The following ATP9B variants were observed in gnomAD, a reference collection of about 807,000 sequenced individuals.
ATP9B encodes probable phospholipid-transporting ATPase IIB.
ATP9B carries 110 observed loss-of-function variants against 146.1 expected under a neutral mutation model. The ratio of observed to expected loss-of-function variants is 0.75; its 90% CI spans 0.65 to 0.88. ATP9B has a LOEUF of 0.88. Among genes scored for constraint, ATP9B ranks in the 40% least tolerant of loss-of-function variants. The pLI is 0.00. For synonymous variants in ATP9B, 604 were observed against 569.7 expected, an observed-to-expected ratio of 1.06 and a Z score of -0.86; for missense variants, 1,499 against 1,496.4, an observed-to-expected ratio of 1.00 and a Z score of -0.03.
At chr18:79,202,707 C>A (rs550225788) in intron 9 of ATP9B, among the ~76,000 whole-genome samples, 37 of 152,276 alleles carry the variant, frequency 2.4e-4, no homozygotes, top group Admixed American at 5.9e-4. Flanking sequence ...GAATAATTTT[C>A]TCCATGTTAG....
Position 79,126,268 on chromosome 18 carries a change from G to A in ATP9B, c.560G>A (p.Gly187Glu). Reference sequence around the variant, plus strand: ...AAAATACCTTATTTTGTTTTATAGGGATTTGTCTTGGCTGTTACTATGACA... The same window carrying A: ...AAAATACCTTATTTTGTTTTATAGGAATTTGTCTTGGCTGTTACTATGACA... ...GYLYTYWAPLGFVLAVTMTRE... is the reference protein window; with the variant it reads ...GYLYTYWAPLEFVLAVTMTRE... The change falls in exon 5 of 30, where the codon GGA (glycine) becomes GAA (glutamate). Residue 187 changes from glycine to glutamate, a missense_variant and splice_region_variant. By Grantham distance (98) the Gly-to-Glu change is moderately conservative. Coordinates refer to ENST00000426216, the MANE Select transcript of ATP9B (RefSeq NM_198531.5). 1 of 1,605,526 alleles carries A rather than the reference G, an allele frequency of 6.2e-7. No individual in the cohort carries two copies. The highest frequency in any genetic ancestry group is 8.5e-7 in the Non-Finnish European group (1 of 1,175,008).
rs79538284 is a variant in ATP9B at position 79,377,293 on chromosome 18, G to A, written c.3354G>A (p.Ala1118=). 1.0e-4 allele frequency: 162 copies of A among 1,612,434 alleles called. No individual in the cohort carries two copies. The East Asian group carries it at 1.2e-3, about 12-fold the overall frequency. Residue 1118 remains alanine (A), a synonymous_variant, in exon 30 of 30, where the codon GCG becomes GCA. Transcript: ENST00000426216. ...TTVTFLWKVS[A]ITVVSCLPLY... is the part of the protein sequence containing the mutation. ...TGACCTTCCTGTGGAAAGTGTCGGC[G>A]ATCACCGTGGTCAGCTGCCTCCCGC... is the stretch of plus-strand genomic sequence containing the variant.
At chr18:79,140,950 T>C (rs11874329) in intron 5 of ATP9B, among the ~76,000 whole-genome samples, 1,705 of 152,266 alleles carry the variant, frequency 0.011, 31 homozygotes, top group African/African-American at 0.038. Context: ...GAAGGGAACA[T>C]TTATTGCTAG....
chr18:79,276,996 G>A (rs11664152), intron 12 of ATP9B, 58 bp from the exon 13 acceptor site: 774 of 1,556,220 alleles, frequency 5.0e-4, no homozygotes, highest in Non-Finnish European at 6.4e-4. Flanking sequence ...CAGTTTGGGT[G>A]TGAACTTGGA....
intron 4 of ATP9B, chr18:79,117,746 T>A (rs1448496595): frequency 6.6e-6 from 1 of 152,216 alleles, no homozygotes; most frequent in East Asian, 1.9e-4. Flanking sequence ...TTTTGAAAGT[T>A]GTTGTTGAAG....
chr18:79,377,290 G>A lies in ATP9B; in HGVS notation c.3351G>A (p.Ser1117=), dbSNP rs753042124. Residue 1117 remains serine (S), a synonymous_variant, in exon 30 of 30, where the codon TCG becomes TCA. Coordinates refer to ENST00000426216, the MANE Select transcript of ATP9B (RefSeq NM_198531.5). The part of the protein sequence containing the change: ...ITTVTFLWKV[S]AITVVSCLPL... The stretch of plus-strand genomic sequence containing the variant: ...CCGTGACCTTCCTGTGGAAAGTGTC[G>A]GCGATCACCGTGGTCAGCTGCCTCC... 2.0e-5 allele frequency: 32 copies of A among 1,612,370 alleles called. No individual in the cohort carries two copies. The highest frequency in any genetic ancestry group is 3.3e-4 in the Middle Eastern group (2 of 6,062).
chr18:79,073,010 G>A (rs2072105054), intron 1 of ATP9B, among the ~76,000 whole-genome samples: 1 of 151,616 alleles, frequency 6.6e-6, no homozygotes, highest in African/African-American at 2.4e-5. Flanking sequence ...CCAGGAAGAG[G>A]CGCTCCTCAC....
intron 11 of ATP9B, among the ~76,000 whole-genome samples, chr18:79,217,895 C>T (rs2095642672): frequency 6.6e-6 from 1 of 152,200 alleles, no homozygotes; most frequent in Non-Finnish European, 1.5e-5. Flanking sequence ...TGTTGGATTT[C>T]TTCAGGTAGC....
intron 17 of ATP9B, among the ~76,000 whole-genome samples, chr18:79,334,201 C>CA (rs952541837): frequency 2.6e-4 from 39 of 151,480 alleles, no homozygotes; most frequent in African/African-American, 5.1e-4. Flanking sequence ...ACTAAAAATA[C>CA]AAAAAAAATA....
chr18:79,113,163 C>A, intron 3 of ATP9B, 78 bp from the exon 4 acceptor site: 1 of 704,962 alleles, frequency 1.4e-6, no homozygotes, highest in Admixed American at 2.5e-5. Flanking sequence ...ATATGTTGTG[C>A]AGATTTTAAT....
chr18:79,216,130 T>A (rs1399538086), intron 11 of ATP9B, among the ~76,000 whole-genome samples: 1 of 152,244 alleles, frequency 6.6e-6, no homozygotes, highest in South Asian at 2.1e-4. Context: ...CCTTTTACTG[T>A]GATTCCTTTT....
chr18:79,310,926 G>A (rs749098249), intron 15 of ATP9B, among the ~76,000 whole-genome samples: 1 of 151,000 alleles, frequency 6.6e-6, no homozygotes, highest in Non-Finnish European at 1.5e-5. Flanking sequence ...TAAGCTGAGC[G>A]GATCACCTGA....
At chr18:79,340,834 T>C (rs1218291350) in intron 19 of ATP9B, among the ~76,000 whole-genome samples, 3 of 152,256 alleles carry the variant, frequency 2.0e-5, no homozygotes, top group Non-Finnish European at 4.4e-5. Context: ...CATTTACCCA[T>C]TGAACCTCCG....
intron 6 of ATP9B, among the ~76,000 whole-genome samples, chr18:79,151,271 T>C (rs985629972): frequency 1.3e-5 from 2 of 152,238 alleles, no homozygotes; most frequent in Non-Finnish European, 2.9e-5. Flanking sequence ...CAGAAATTTA[T>C]GGTTAATTGA....
At chr18:79,091,912 G>C (rs769726472) in intron 1 of ATP9B, among the ~76,000 whole-genome samples, 2 of 152,160 alleles carry the variant, frequency 1.3e-5, no homozygotes, top group Non-Finnish European at 2.9e-5. Flanking sequence ...TTTGCTGTAT[G>C]TGTTTTGAAG....
At chr18:79,218,530 T>G (rs1224483482) in intron 11 of ATP9B, among the ~76,000 whole-genome samples, 1 of 152,088 alleles carries the variant, frequency 6.6e-6, no homozygotes, top group Non-Finnish European at 1.5e-5. Context: ...CTTGTCGTAT[T>G]TTCCTTGTGT....
At chr18:79,332,668 T>A (rs181863924) in intron 17 of ATP9B, among the ~76,000 whole-genome samples, 14 of 152,168 alleles carry the variant, frequency 9.2e-5, no homozygotes, top group Admixed American at 7.9e-4. Context: ...CTGAAAATAA[T>A]CTGCGTAAAA....
intron 20 of ATP9B, among the ~76,000 whole-genome samples, chr18:79,343,226 AG>A (rs1275812615): frequency 6.6e-6 from 1 of 152,234 alleles, no homozygotes; most frequent in Non-Finnish European, 1.5e-5. Context: ...ATAAAACTTC[AG>A]ATCAATTTTT....
intron 7 of ATP9B, among the ~76,000 whole-genome samples, chr18:79,164,995 T>C (rs1233192463): frequency 2.0e-5 from 3 of 152,214 alleles, no homozygotes. Flanking sequence ...GACTAAGCCA[T>C]GTGAAGATCT....
Sources: allele counts gnomAD v4.1 joint callset (sites outside exome capture counted in the v4.1 genomes callset), GRCh38; gene constraint gnomAD v4.1.1; transcripts MANE v1.5; gene names NCBI Gene and HGNC (gene_info 2026-07-23, HGNC 2026-07-21).